The following DMD variants were observed in gnomAD, a reference collection of about 807,000 sequenced individuals.
The protein encoded by DMD is dystrophin.
DMD carries 63 observed loss-of-function variants against 330.1 expected under a neutral mutation model. The observed-to-expected ratio is 0.19, with a 90% confidence interval of 0.16 to 0.24. The LOEUF (loss-of-function observed/expected upper bound fraction) is 0.24. DMD is among the 10% of genes least tolerant of loss of function. DMD has a pLI of 1.00. For missense variants in DMD, 3,344 were observed against 2,684.1 expected (o/e 1.25, Z -5.43); for synonymous variants, 1,223 against 959.8 (o/e 1.27, Z -5.07).
intron 44 of DMD, among the ~76,000 whole-genome samples, chrX:32,025,909 G>A (rs770042857): frequency 4.5e-5 from 5 of 111,841 alleles, no homozygotes; most frequent in African/African-American, 9.7e-5. Flanking sequence ...AAAACCCTTC[G>A]TAAACTCTGA....
intron 44 of DMD, among the ~76,000 whole-genome samples, chrX:32,169,637 A>G (rs910801464): frequency 4.5e-5 from 5 of 111,686 alleles, no homozygotes; most frequent in African/African-American, 1.6e-4. Flanking sequence ...CTATTACTAG[A>G]AGTAAAAGTT....
At chrX:32,427,644 A>G (rs2098218576) in intron 29 of DMD, among the ~76,000 whole-genome samples, 1 of 110,358 alleles carries the variant, frequency 9.1e-6, no homozygotes. Flanking sequence ...AAATTTTCTA[A>G]CCTTATATTT....
intron 4 of DMD, among the ~76,000 whole-genome samples, chrX:32,835,627 G>T (rs1194444546): frequency 2.7e-5 from 3 of 111,899 alleles, no homozygotes; most frequent in Non-Finnish European, 5.6e-5. Context: ...GAGCTCTACA[G>T]ATATAAGCTG....
At chrX:32,258,726 T>C (rs2097309557) in intron 43 of DMD, among the ~76,000 whole-genome samples, 1 of 110,756 alleles carries the variant, frequency 9.0e-6, no homozygotes, top group Non-Finnish European at 1.9e-5. Context: ...GATGGGTTGA[T>C]GTGTGCAGCA....
intron 1 of DMD, among the ~76,000 whole-genome samples, chrX:33,114,251 A>G (rs763364241): frequency 9.2e-6 from 1 of 108,394 alleles, no homozygotes; most frequent in East Asian, 2.9e-4. Context: ...CTGAGATTAC[A>G]GATGCCCACC....
chrX:31,405,978 C>A (rs2704910), intron 60 of DMD, among the ~76,000 whole-genome samples: 45,714 of 110,834 alleles, frequency 0.41, 8,394 homozygotes, highest in African/African-American at 0.72. Context: ...GACGTTGTCA[C>A]AAATTACTAC....
intron 44 of DMD, among the ~76,000 whole-genome samples, chrX:32,169,311 ATAAGT>A (rs1161257584): frequency 9.0e-6 from 1 of 111,724 alleles, no homozygotes; most frequent in Non-Finnish European, 1.9e-5. Context: ...CCTAGACAAG[ATAAGT>A]TAACTGATCT....
chrX:32,543,196 G>C (rs7888911), intron 17 of DMD, among the ~76,000 whole-genome samples: 2 of 111,152 alleles, frequency 1.8e-5, no homozygotes, highest in Admixed American at 1.9e-4. Flanking sequence ...GAATCTTTCT[G>C]TATGTGCCCA....
intron 42 of DMD, among the ~76,000 whole-genome samples, chrX:32,293,107 G>T (rs189153750): frequency 2.7e-5 from 3 of 112,486 alleles, no homozygotes; most frequent in Non-Finnish European, 5.6e-5. Flanking sequence ...TGTGGAAAAA[G>T]TACTTATCTG....
chrX:31,302,806 AAAG>A lies in DMD; in HGVS notation c.9224+20789_9224+20791del, dbSNP rs201920279. On this transcript the variant is annotated intron_variant, in intron 62 of 78. Coordinates refer to ENST00000357033, the MANE Select transcript of DMD (RefSeq NM_004006.3). ...GAACTATAAATTAAAGACTTCACTC[AAAG>A]AAGACCTCTGACAAGCAACCAAGTT... is the stretch of plus-strand genomic sequence containing the variant. Among the ~76,000 whole-genome samples the A allele has an allele frequency of 7.1e-3, 792 of 111,772 alleles. 10 individuals are homozygous for A. The highest frequency in any genetic ancestry group is 0.023 in the African/African-American group (716 of 30,866).
At chrX:31,717,244 ACAGTTT>A (rs2085134093) in intron 52 of DMD, among the ~76,000 whole-genome samples, 1 of 111,991 alleles carries the variant, frequency 8.9e-6, no homozygotes, top group African/African-American at 3.2e-5. Context: ...GAAAATTTTG[ACAGTTT>A]CAAATTGTCT....
chrX:33,121,379 T>C (rs959188205), intron 1 of DMD, among the ~76,000 whole-genome samples: 2 of 110,164 alleles, frequency 1.8e-5, no homozygotes, highest in African/African-American at 6.6e-5. Flanking sequence ...TACAGGCGCA[T>C]GCCACCATGT....
chrX:32,291,352 T>C (rs1034516326), intron 42 of DMD, among the ~76,000 whole-genome samples: 2 of 112,361 alleles, frequency 1.8e-5, no homozygotes, highest in East Asian at 5.6e-4. Context: ...TGAAACAAAC[T>C]GATATATTAT....
intron 2 of DMD, among the ~76,000 whole-genome samples, chrX:32,855,105 G>C (rs533191530): frequency 8.9e-5 from 10 of 111,782 alleles, no homozygotes; most frequent in African/African-American, 3.3e-4. Flanking sequence ...TGCTGAAAAA[G>C]CATTTGATAA....
intron 9 of DMD, among the ~76,000 whole-genome samples, chrX:32,677,292 T>C (rs887780171): frequency 9.0e-6 from 1 of 111,644 alleles, no homozygotes; most frequent in Non-Finnish European, 1.9e-5. Context: ...TAAACTCTTT[T>C]ATATCTTAAC....
intron 54 of DMD, among the ~76,000 whole-genome samples, chrX:31,642,145 G>A (rs1448374440): frequency 8.9e-6 from 1 of 111,822 alleles, no homozygotes; most frequent in Non-Finnish European, 1.9e-5. Flanking sequence ...TGAGAAAAGA[G>A]TATACATTCA....
intron 2 of DMD, among the ~76,000 whole-genome samples, chrX:32,982,572 T>C (rs1037599353): frequency 2.7e-5 from 3 of 111,720 alleles, no homozygotes; most frequent in Non-Finnish European, 5.6e-5. Context: ...CAACAAATGC[T>C]GGTAATAATG....
intron 67 of DMD, among the ~76,000 whole-genome samples, chrX:31,197,750 T>G (rs754229991): frequency 9.0e-6 from 1 of 111,579 alleles, no homozygotes; most frequent in African/African-American, 3.3e-5. Context: ...CTGAAGAAGA[T>G]ACTACAAAAT....
chrX:32,274,974 C>T (rs331343), intron 43 of DMD, among the ~76,000 whole-genome samples: 24,214 of 110,945 alleles, frequency 0.22, 1,996 homozygotes, highest in East Asian at 0.46. Flanking sequence ...AGTCAAATCA[C>T]ACAATTCATT....
Sources: gnomAD v4.1 joint callset for allele counts (sites outside exome capture counted in the v4.1 genomes callset) on GRCh38, gnomAD v4.1.1 for gene constraint, MANE v1.5 for transcripts, NCBI Gene and HGNC (gene_info 2026-07-23, HGNC 2026-07-21) for gene names.